The following MGST2 variants were observed in gnomAD, a reference collection of about 807,000 sequenced individuals.
The protein encoded by MGST2 is glutathione peroxidase MGST2.
MGST2 carries 9 observed loss-of-function variants against 16.6 expected under a neutral mutation model. The observed-to-expected ratio is 0.54, with a 90% CI of 0.33 to 0.95. The LOEUF (loss-of-function observed/expected upper bound fraction) is 0.95, where lower values mean the gene tolerates loss of function less well. MGST2 is among the 40% of genes least tolerant of loss of function. MGST2 has a pLI of 0.03. For synonymous variants in MGST2, 79 were observed against 68.0 expected, an observed-to-expected ratio of 1.16 and a Z score of -0.79; for missense variants, 159 against 175.1, an observed-to-expected ratio of 0.91 and a Z score of 0.52.
the MGST2 span, among the ~76,000 whole-genome samples, chr4:139,753,662 A>G: frequency 7.9e-5 from 12 of 152,348 alleles, 1 homozygote; most frequent in East Asian, 2.3e-3. Context: ...TACATCCCTG[A>G]GGCTGAGGTG....
intron 5 of MGST2, chr4:139,719,680 G>C (rs780078440): frequency 1.2e-6 from 2 of 1,613,326 alleles, no homozygotes; most frequent in Non-Finnish European, 1.7e-6. Flanking sequence ...CTGGGTTGAG[G>C]GTCCTCACTG....
At chr4:139,673,253 G>T (rs551102303) in intron 1 of MGST2, among the ~76,000 whole-genome samples, 2 of 152,200 alleles carry the variant, frequency 1.3e-5, no homozygotes, top group South Asian at 2.1e-4. Flanking sequence ...CTGAACGTGG[G>T]TCCATTCACC....
At chr4:139,669,793 A>G (rs8192018) in intron 1 of MGST2, among the ~76,000 whole-genome samples, 87,307 of 152,168 alleles carry the variant, frequency 0.57, 26,818 homozygotes, top group East Asian at 0.86. Context: ...ATGGTTGCCC[A>G]ATAATCCAAA....
chr4:139,741,957 G>A (rs1673640905), downstream of MGST2, among the ~76,000 whole-genome samples: 1 of 152,166 alleles, frequency 6.6e-6, no homozygotes. Flanking sequence ...AATGGCTCAG[G>A]TATTTTCTTA....
intron 3 of MGST2, chr4:139,698,160 C>T: frequency 3.9e-6 from 6 of 1,553,008 alleles, no homozygotes; most frequent in South Asian, 2.2e-5. Flanking sequence ...ACGTTCTCCA[C>T]GTATGCTGTG....
At chr4:139,744,668 C>A (rs1279057276), downstream of MGST2, among the ~76,000 whole-genome samples, 1 of 152,200 alleles carries the variant, frequency 6.6e-6, no homozygotes, top group African/African-American at 2.4e-5. Flanking sequence ...ATGGCAGGGG[C>A]TATGGTGGGA....
At chr4:139,717,859 T>C (rs1728050949) in intron 5 of MGST2, 1 of 151,960 alleles carries the variant, frequency 6.6e-6, no homozygotes, top group Non-Finnish European at 1.5e-5. Flanking sequence ...GCAAGGAGCC[T>C]TGTTGATTCC....
the MGST2 span, among the ~76,000 whole-genome samples, chr4:139,747,519 C>T: frequency 6.6e-6 from 1 of 151,842 alleles, no homozygotes. Context: ...CATGGTGAAA[C>T]CCCGTCTCTA....
chr4:139,682,159 A>T lies in MGST2; in HGVS notation c.158+3517A>T, dbSNP rs191639731. On this transcript the variant is annotated intron_variant, in intron 2 of 4. Transcript: ENST00000265498. ...TTCAGTGAGCTATGATCATGCCACT[A>T]TACTCCAGCCTGGGCAACAGCGAAA... is the stretch of plus-strand genomic sequence containing the variant. Among the ~76,000 whole-genome samples, 592 of 152,034 alleles carry T rather than the reference A, an allele frequency of 3.9e-3. 1 individual carries two copies. Among genetic ancestry groups the T allele is most frequent in the African/African-American group, 0.013 (554 of 41,480 alleles).
intron 2 of MGST2, chr4:139,678,931 A>G (rs1227775519): frequency 2.0e-6 from 1 of 506,726 alleles, no homozygotes; most frequent in African/African-American, 1.9e-5. Context: ...TGGGTCAAAG[A>G]GGCCCCCTGG....
intron 3 of MGST2, among the ~76,000 whole-genome samples, chr4:139,699,280 C>T: frequency 6.6e-6 from 1 of 152,216 alleles, no homozygotes; most frequent in East Asian, 1.9e-4. Context: ...TGCATCTTTA[C>T]ACTTGTTTAC....
chr4:139,743,410 T>C (rs1729224623), downstream of MGST2, among the ~76,000 whole-genome samples: 1 of 152,238 alleles, frequency 6.6e-6, no homozygotes, highest in Non-Finnish European at 1.5e-5. Flanking sequence ...CACCGTTTCT[T>C]GTACTTTGGC....
At chr4:139,752,647 A>G in the MGST2 span, among the ~76,000 whole-genome samples, 5 of 152,210 alleles carry the variant, frequency 3.3e-5, no homozygotes, top group Non-Finnish European at 5.9e-5. Flanking sequence ...TGATAATAAT[A>G]AAAAACCTTT....
intron 5 of MGST2, among the ~76,000 whole-genome samples, chr4:139,720,628 C>T (rs138243532): frequency 2.8e-4 from 42 of 152,288 alleles, no homozygotes; most frequent in African/African-American, 7.5e-4. Flanking sequence ...TGGGATCGTA[C>T]TGTGCATGTG....
At chr4:139,727,021 T>C (rs1180210101) in intron 5 of MGST2, among the ~76,000 whole-genome samples, 1 of 152,188 alleles carries the variant, frequency 6.6e-6, no homozygotes, top group African/African-American at 2.4e-5. Context: ...ATAAAGAATA[T>C]ACAACAAGGT....
intron 2 of MGST2, among the ~76,000 whole-genome samples, chr4:139,694,076 T>C (rs1463479798): frequency 6.6e-6 from 1 of 151,828 alleles, no homozygotes; most frequent in African/African-American, 2.4e-5. Flanking sequence ...TATTGGGGAG[T>C]TTTTTCCCAT....
chr4:139,704,045 T>C lies in MGST2; in HGVS notation c.341T>C (p.Ile114Thr), dbSNP rs1485071780. The change falls in exon 5 of 5, where the codon ATT (isoleucine) becomes ACT (threonine). Residue 114 changes from isoleucine to threonine, a missense_variant. Coordinates refer to ENST00000265498, the MANE Select transcript of MGST2 (RefSeq NM_002413.5). ...RITGFRLSLG[I>T]LALLTLLGAL... is the part of the protein sequence containing the mutation. Reference sequence around the variant, plus strand: ...ACCGGTTTCCGACTGAGTCTGGGGATTTTGGCCTTGTTGACCCTCCTAGGT... The same window carrying C: ...ACCGGTTTCCGACTGAGTCTGGGGACTTTGGCCTTGTTGACCCTCCTAGGT... The C allele has an allele frequency of 7.4e-6, 12 of 1,613,980 alleles. No individual in the cohort carries two copies. Among genetic ancestry groups the C allele is most frequent in the Non-Finnish European group, 8.5e-6 (10 of 1,180,000 alleles).
intron 5 of MGST2, chr4:139,730,566 G>C (rs546054334): frequency 1.9e-6 from 3 of 1,598,130 alleles, no homozygotes. Flanking sequence ...CCAGGAAGCC[G>C]GGGCCTGCGG....
the MGST2 span, among the ~76,000 whole-genome samples, chr4:139,750,460 G>A: frequency 2.9e-4 from 44 of 152,290 alleles, no homozygotes; most frequent in African/African-American, 9.6e-4. Context: ...AATGGCCTTT[G>A]GTGCAGTTTT....
Sources: allele counts gnomAD v4.1 joint callset (sites outside exome capture counted in the v4.1 genomes callset), GRCh38; gene constraint gnomAD v4.1.1; transcripts MANE v1.5; gene names NCBI Gene and HGNC (gene_info 2026-07-23, HGNC 2026-07-21).